Variants in AQP9 observed in about 807,000 individuals in gnomAD.
AQP9 encodes the protein aquaporin 9, also known as aquaporin-9.
A neutral mutation model predicts 23.8 loss-of-function variants in AQP9; 19 were observed. The observed-to-expected ratio is 0.80, with a 90% CI of 0.56 to 1.17. The LOEUF (loss-of-function observed/expected upper bound fraction) is 1.17. AQP9 is among the 50% of genes most tolerant of loss of function. The probability of loss-of-function intolerance (pLI) is 0.00; values close to 1 mark genes in which losing one functional copy is unlikely to be tolerated. For missense variants in AQP9, 413 were observed against 362.0 expected, an observed-to-expected ratio of 1.14 and a Z score of -1.14; for synonymous variants, 153 against 131.5, an observed-to-expected ratio of 1.16 and a Z score of -1.12.
intron 2 of AQP9, 40 bp from the exon 3 acceptor site, chr15:58,173,028 T>A (rs199504746): frequency 1.1e-4 from 185 of 1,612,614 alleles, no homozygotes; most frequent in Non-Finnish European, 1.5e-4. Context: ...ATATTCTTCT[T>A]CCTAACCTGC....
chr15:58,168,422 A>T (rs193034394), intron 2 of AQP9, among the ~76,000 whole-genome samples: 135 of 152,318 alleles, frequency 8.9e-4, no homozygotes, highest in African/African-American at 3.1e-3. Context: ...CCTGCAGTTA[A>T]GCTGGCTGGC....
chr15:58,138,449 G>C lies in AQP9; in HGVS notation c.-117G>C. ...TTTGTACAGTCAGAGACTCTTACCA[G>C]ACATCTCCAGGAATCTGTGAGCCAT... is the stretch of plus-strand genomic sequence containing the variant. On this transcript the variant is annotated 5_prime_UTR_variant, in exon 1 of 6. Coordinates refer to ENST00000219919, the MANE Select transcript of AQP9 (RefSeq NM_020980.5). 1.4e-6 allele frequency: 1 copy of C among 731,294 alleles called. No homozygotes were observed. The highest frequency in any genetic ancestry group is 2.3e-6 in the Non-Finnish European group (1 of 435,908). The allele number at this position is 731,294 out of a possible 1,614,324, so 45.3% of individuals were successfully genotyped here.
chr15:58,147,643 C>A (rs758571615), intron 1 of AQP9, among the ~76,000 whole-genome samples: 2 of 151,892 alleles, frequency 1.3e-5, no homozygotes, highest in African/African-American at 4.8e-5. Flanking sequence ...AGGCTTAGTC[C>A]CTCTCAGCGC....
intron 1 of AQP9, among the ~76,000 whole-genome samples, chr15:58,141,823 C>A (rs1897957526): frequency 6.6e-6 from 1 of 152,170 alleles, no homozygotes; most frequent in Admixed American, 6.6e-5. Context: ...TTGTTCAGAT[C>A]TTGAAGTAGG....
chr15:58,183,288 C>T (rs1183385145), intron 5 of AQP9, among the ~76,000 whole-genome samples: 4 of 152,174 alleles, frequency 2.6e-5, no homozygotes, highest in African/African-American at 9.6e-5. Flanking sequence ...TTTTCTCTCT[C>T]CAAAGAAGAT....
At chr15:58,183,424 G>C (rs1286807993) in intron 5 of AQP9, among the ~76,000 whole-genome samples, 2 of 152,170 alleles carry the variant, frequency 1.3e-5, no homozygotes, top group Non-Finnish European at 2.9e-5. Context: ...GTAGCCTCAA[G>C]CTAAGATCTT....
At chr15:58,146,469 T>C (rs148830530) in intron 1 of AQP9, among the ~76,000 whole-genome samples, 12 of 152,272 alleles carry the variant, frequency 7.9e-5, no homozygotes, top group African/African-American at 2.4e-4. Context: ...TCTTTTAGTT[T>C]CTTTTCTTGT....
At chr15:58,158,892 C>T (rs570855074) in intron 1 of AQP9, among the ~76,000 whole-genome samples, 1 of 152,164 alleles carries the variant, frequency 6.6e-6, no homozygotes, top group Admixed American at 6.5e-5. Flanking sequence ...CACTTCACTA[C>T]GGAATTCCTA....
chr15:58,177,222 G>C (rs184480740), intron 4 of AQP9, among the ~76,000 whole-genome samples: 1 of 152,224 alleles, frequency 6.6e-6, no homozygotes, highest in African/African-American at 2.4e-5. Flanking sequence ...ATATTCCTTG[G>C]TTTAGTTAAT....
intron 1 of AQP9, among the ~76,000 whole-genome samples, chr15:58,166,355 ATTATCTCAAAATAAAAAAT>A (rs1898502569): frequency 6.6e-6 from 1 of 152,204 alleles, no homozygotes; most frequent in South Asian, 2.1e-4. Flanking sequence ...TGGGTCTATA[ATTATCTCAAAATAAAAAAT>A]TTAATTTTAA....
intron 1 of AQP9, among the ~76,000 whole-genome samples, chr15:58,161,353 A>G (rs985161451): frequency 3.3e-5 from 5 of 152,182 alleles, no homozygotes; most frequent in Admixed American, 2.0e-4. Context: ...TCCTTTTCCA[A>G]TGAAAGTCTT....
Position 58,184,302 on chromosome 15 carries a change from T to C in AQP9, c.*167T>C. On this transcript the variant is annotated 3_prime_UTR_variant, in exon 6 of 6. Transcript: ENST00000219919. ...CATCTGCATAAAAGTTTGGAAACAA[T>C]GACCACTTCTCTACCATTGTCCCCC... The C allele has an allele frequency of 1.5e-6, 1 of 679,050 alleles. No homozygotes were observed. Among genetic ancestry groups the C allele is most frequent in the South Asian group, 2.1e-5 (1 of 47,846 alleles). 42.1% of individuals were successfully genotyped at this position (679,050 alleles called of 1,614,324 possible).
chr15:58,167,157 C>T (rs1180318569), intron 2 of AQP9, among the ~76,000 whole-genome samples: 1 of 152,184 alleles, frequency 6.6e-6, no homozygotes. Context: ...AAGGTCACTC[C>T]AACAGAGGCA....
intron 4 of AQP9, among the ~76,000 whole-genome samples, chr15:58,175,712 C>A (rs1898737184): frequency 6.8e-6 from 1 of 147,996 alleles, no homozygotes; most frequent in South Asian, 2.2e-4. Context: ...TCTCTAAGTT[C>A]TTCCTCTATG....
Position 58,168,843 on chromosome 15 carries a change from T to A in AQP9, c.238+2044T>A, listed in dbSNP as rs114068398. On this transcript the variant is annotated intron_variant, in intron 2 of 5. Transcript: ENST00000219919. The stretch of plus-strand genomic sequence containing the variant: ...GCTCCCCCTATAAGCTCCCACTGAG[T>A]TCACCAGGTAATGTAGGTGTAGCCA... Among the ~76,000 whole-genome samples the A allele has an allele frequency of 2.9e-3, 435 of 152,306 alleles. 2 individuals carry two copies. Among genetic ancestry groups the A allele is most frequent in the African/African-American group, 8.0e-3 (334 of 41,566 alleles).
At chr15:58,170,068 C>A (rs770734209) in intron 2 of AQP9, among the ~76,000 whole-genome samples, 40 of 152,146 alleles carry the variant, frequency 2.6e-4, no homozygotes, top group Admixed American at 5.2e-4. Flanking sequence ...ATTGTCCCAG[C>A]AACCTCGGCA....
chr15:58,175,094 G>T, intron 4 of AQP9, 58 bp downstream of exon 4: 4 of 1,415,598 alleles, frequency 2.8e-6, no homozygotes, highest in Non-Finnish European at 4.0e-6. Context: ...CTCATAAGGG[G>T]AATGCATTGG....
At chr15:58,140,067 C>T (rs1424073786) in intron 1 of AQP9, among the ~76,000 whole-genome samples, 4 of 152,142 alleles carry the variant, frequency 2.6e-5, no homozygotes, top group African/African-American at 9.7e-5. Flanking sequence ...GACAATCTGG[C>T]CCCAAAGAAG....
chr15:58,184,025 C>G lies in AQP9; in HGVS notation c.778C>G (p.Leu260Val). 6.2e-7 allele frequency: 1 copy of G among 1,614,138 alleles called. No individual in the cohort carries two copies. The highest frequency in any genetic ancestry group is 8.5e-7 in the Non-Finnish European group (1 of 1,180,018). ...TTTGGTTGGTGCTGTCATTGGAGGC[C>G]TCATCTATGTTCTTGTCATTGAAAT... ...GPLVGAVIGG[L>V]IYVLVIEIHH... Residue 260 changes from leucine (L) to valine (V), a missense_variant, in exon 6 of 6, where the codon CTC becomes GTC. Physicochemically the swap from Leu to Val is conservative, Grantham distance 32. Coordinates refer to ENST00000219919, the MANE Select transcript of AQP9 (RefSeq NM_020980.5).
Sources: gnomAD v4.1 joint callset for allele counts (sites outside exome capture counted in the v4.1 genomes callset) on GRCh38, gnomAD v4.1.1 for gene constraint, MANE v1.5 for transcripts, NCBI Gene and HGNC (gene_info 2026-07-23, HGNC 2026-07-21) for gene names.